CCDC83: variants seen among roughly 807,000 people sequenced by gnomAD.
The protein encoded by CCDC83 is coiled-coil domain containing 83, also known as coiled-coil domain-containing protein 83.
A neutral mutation model predicts 50.1 loss-of-function variants in CCDC83; 54 were observed. The ratio of observed to expected loss-of-function variants is 1.08; its 90% confidence interval spans 0.87 to 1.35. The LOEUF is 1.35. Among genes scored for constraint, CCDC83 ranks in the 40% most tolerant of loss-of-function variants. The pLI is 0.00. For missense variants in CCDC83, 518 were observed against 473.9 expected (o/e 1.09, Z -0.86); for synonymous variants, 161 against 153.3 (o/e 1.05, Z -0.37).
intron 7 of CCDC83, among the ~76,000 whole-genome samples, chr11:85,910,323 T>C (rs1225478442): frequency 1.3e-5 from 2 of 152,214 alleles, no homozygotes; most frequent in African/African-American, 4.8e-5. Flanking sequence ...GATCCTTTGT[T>C]CCCAAAGTGT....
chr11:85,887,819 T>TTC (rs1554982054), intron 5 of CCDC83, among the ~76,000 whole-genome samples: 1 of 149,934 alleles, frequency 6.7e-6, no homozygotes, highest in Non-Finnish European at 1.5e-5. Flanking sequence ...TTTTTTTTTT[T>TTC]CGAGACACGG....
intron 1 of CCDC83, among the ~76,000 whole-genome samples, chr11:85,857,082 C>T (rs1165119320): frequency 6.6e-6 from 1 of 152,174 alleles, no homozygotes; most frequent in African/African-American, 2.4e-5. Context: ...CAAGCACCAC[C>T]AGCATGTCTG....
intron 7 of CCDC83, among the ~76,000 whole-genome samples, chr11:85,902,753 C>A (rs1467012891): frequency 6.6e-6 from 1 of 152,148 alleles, no homozygotes; most frequent in African/African-American, 2.4e-5. Flanking sequence ...TCCACCTTCC[C>A]CACCCTGCCA....
chr11:85,857,535 A>G (rs566680122), intron 1 of CCDC83, among the ~76,000 whole-genome samples: 3 of 152,272 alleles, frequency 2.0e-5, no homozygotes, highest in Admixed American at 2.0e-4. Context: ...CGGGGATGTG[A>G]GGCATCTTCA....
intron 7 of CCDC83, among the ~76,000 whole-genome samples, chr11:85,905,969 CAAAAAAAAAAA>C (rs760367430): frequency 2.5e-4 from 12 of 47,646 alleles, no homozygotes; most frequent in Non-Finnish European, 5.3e-4. Context: ...GACTCCGTCT[CAAAAAAAAAAA>C]AAAAAAAAAA....
chr11:85,895,359 A>G lies in CCDC83; in HGVS notation c.578A>G (p.Asp193Gly), dbSNP rs1299870937. ...ATCAAGGAAACTTTGTTGCAACTGG[A>G]CCAAAAGAAGGAATGGGCCACACAG... ...KIIKETLLQL[D>G]QKKEWATQNA... The change falls in exon 6 of 11, where the codon GAC (aspartate) becomes GGC (glycine). Residue 193 changes from aspartate (D) to glycine (G), a missense_variant. Physicochemically the swap from Asp to Gly is moderately conservative, Grantham distance 94. Coordinates refer to ENST00000342404, the MANE Select transcript of CCDC83 (RefSeq NM_001286159.2). The G allele has an allele frequency of 3.8e-6, 6 of 1,582,318 alleles. No individual in the cohort carries two copies. Among genetic ancestry groups the G allele is most frequent in the Non-Finnish European group, 5.2e-6 (6 of 1,160,558 alleles).
chr11:85,886,920 A>G (rs1387428162), intron 5 of CCDC83, among the ~76,000 whole-genome samples: 1 of 152,166 alleles, frequency 6.6e-6, no homozygotes, highest in Non-Finnish European at 1.5e-5. Context: ...CAAAAAAAAG[A>G]AGAAAGAATC....
At chr11:85,863,977 G>C (rs2093192589) in intron 1 of CCDC83, among the ~76,000 whole-genome samples, 1 of 152,176 alleles carries the variant, frequency 6.6e-6, no homozygotes, top group South Asian at 2.1e-4. Context: ...ATAGCTCTTA[G>C]AGTAGAATTG....
intron 1 of CCDC83, 108 bp from the exon 2 acceptor site, chr11:85,864,988 C>A (rs927831299): frequency 1.6e-6 from 1 of 634,878 alleles, no homozygotes. Context: ...TGGAAGCAAT[C>A]AGGATAGAAA....
At chr11:85,889,792 A>C (rs12271536) in intron 5 of CCDC83, among the ~76,000 whole-genome samples, 41,596 of 152,150 alleles carry the variant, frequency 0.27, 6,089 homozygotes, top group African/African-American at 0.3. Context: ...AGATCAAGTC[A>C]GGCTATTGTT....
Position 85,919,624 on chromosome 11 carries a change from T to C in CCDC83, c.*114T>C, listed in dbSNP as rs1029963636. On this transcript the variant is annotated 3_prime_UTR_variant, in exon 11 of 11. Coordinates refer to ENST00000342404, the MANE Select transcript of CCDC83 (RefSeq NM_001286159.2). ...TGGCTCATTTTTAAACCAGCTGTTATTTCTAAAGGTCATATTTACATTTAA... is the reference window on the plus strand; with the variant it reads ...TGGCTCATTTTTAAACCAGCTGTTACTTCTAAAGGTCATATTTACATTTAA... 4.0e-6 allele frequency: 3 copies of C among 747,192 alleles called. No homozygotes were observed. Among genetic ancestry groups the C allele is most frequent in the Admixed American group, 2.9e-5 (1 of 34,612 alleles). 46.3% of individuals were successfully genotyped at this position (747,192 alleles called of 1,614,324 possible).
chr11:85,861,096 G>A (rs1189693686), intron 1 of CCDC83, among the ~76,000 whole-genome samples: 3 of 152,212 alleles, frequency 2.0e-5, no homozygotes, highest in Non-Finnish European at 2.9e-5. Flanking sequence ...AATATTAAAG[G>A]ATACAACATC....
chr11:85,861,234 C>T (rs1417436007), intron 1 of CCDC83, among the ~76,000 whole-genome samples: 1 of 152,236 alleles, frequency 6.6e-6, no homozygotes, highest in Non-Finnish European at 1.5e-5. Flanking sequence ...TTGCAATTAA[C>T]ATTATAGTGA....
At chr11:85,917,395 T>C (rs1478433255) in intron 10 of CCDC83, among the ~76,000 whole-genome samples, 2 of 152,102 alleles carry the variant, frequency 1.3e-5, no homozygotes, top group African/African-American at 4.8e-5. Context: ...CAAAGTTCCA[T>C]CCAAGGGGAA....
intron 5 of CCDC83, 48 bp from the exon 6 acceptor site, chr11:85,895,245 T>C: frequency 1.0e-6 from 1 of 997,104 alleles, no homozygotes; most frequent in South Asian, 1.6e-5. Context: ...GAATCATGCT[T>C]GATAAGGCTT....
In CCDC83 at chr11:85,908,608, T is replaced by TAGATAGATAGAC. The variant is rs1189804934; in HGVS notation, c.673-2670_673-2669insTAGATAGACAGA. On this transcript the variant is annotated intron_variant, in intron 7 of 10. Coordinates refer to ENST00000342404, the MANE Select transcript of CCDC83 (RefSeq NM_001286159.2). ...ATAGATAGATAGATAGATAGATAGA[T>TAGATAGATAGAC]AGACAGATAGAATTCATGGCCGGGT... Among the ~76,000 whole-genome samples the TAGATAGATAGAC allele has an allele frequency of 3.9e-4, 52 of 133,244 alleles. 1 individual carries two copies. The highest frequency in any genetic ancestry group is 5.5e-4 in the Non-Finnish European group (34 of 61,694). The allele number at this position is 133,244 out of a possible 152,430, so 87.4% of individuals were successfully genotyped here.
chr11:85,871,246 T>A (rs1179166535), intron 2 of CCDC83, among the ~76,000 whole-genome samples: 2 of 152,192 alleles, frequency 1.3e-5, no homozygotes, highest in African/African-American at 4.8e-5. Flanking sequence ...TAAATCTACA[T>A]TGTATGTATG....
intron 7 of CCDC83, among the ~76,000 whole-genome samples, chr11:85,903,986 A>T (rs150912651): frequency 0.01 from 1,560 of 152,062 alleles, 23 homozygotes; most frequent in Middle Eastern, 0.031. Flanking sequence ...AATTAAATTT[A>T]AAAAATTAAA....
intron 1 of CCDC83, among the ~76,000 whole-genome samples, chr11:85,859,699 A>T (rs1229068068): frequency 6.6e-6 from 1 of 152,250 alleles, no homozygotes; most frequent in Non-Finnish European, 1.5e-5. Context: ...TAAATGTAAG[A>T]CCTAAAACAA....
Sources: gnomAD v4.1 joint callset for allele counts (sites outside exome capture counted in the v4.1 genomes callset) on GRCh38, gnomAD v4.1.1 for gene constraint, MANE v1.5 for transcripts, NCBI Gene and HGNC (gene_info 2026-07-23, HGNC 2026-07-21) for gene names.